Variants in EPHA3 observed in about 807,000 individuals in gnomAD.
EPHA3 encodes the protein ephrin type-A receptor 3.
In EPHA3, 42 loss-of-function variants were observed where a neutral mutation model predicts 107.1. That is an observed-to-expected ratio of 0.39 (90% CI 0.31 to 0.51). EPHA3 has a LOEUF of 0.51. Among genes scored for constraint, EPHA3 ranks in the 20% least tolerant of loss-of-function variants. The pLI, the probability that EPHA3 is intolerant of heterozygous loss-of-function variation, is 0.78. For synonymous variants in EPHA3, 461 were observed against 424.8 expected (o/e 1.09, Z -1.05); for missense variants, 1,183 against 1,211.2 (o/e 0.98, Z 0.35).
At chr3:89,234,007 A>C (rs1397481495) in intron 3 of EPHA3, among the ~76,000 whole-genome samples, 1 of 152,216 alleles carries the variant, frequency 6.6e-6, no homozygotes, top group Non-Finnish European at 1.5e-5. Flanking sequence ...GAATGATTGA[A>C]GAAAAACAGC....
intron 3 of EPHA3, among the ~76,000 whole-genome samples, chr3:89,263,794 T>G (rs757617125): frequency 7.9e-5 from 12 of 152,086 alleles, no homozygotes; most frequent in Non-Finnish European, 1.5e-4. Context: ...GAAGTTCTAA[T>G]TTTGGGCCGT....
intron 2 of EPHA3, among the ~76,000 whole-genome samples, chr3:89,134,334 A>C (rs1383835471): frequency 6.6e-6 from 1 of 151,958 alleles, no homozygotes; most frequent in Non-Finnish European, 1.5e-5. Context: ...CGTCATTTAC[A>C]TTAGGTATAT....
At chr3:89,250,475 T>C (rs1321419946) in intron 3 of EPHA3, among the ~76,000 whole-genome samples, 1 of 152,216 alleles carries the variant, frequency 6.6e-6, no homozygotes, top group Non-Finnish European at 1.5e-5. Flanking sequence ...AAAATTAATC[T>C]TCCTAATTTG....
chr3:89,155,849 A>G (rs148158726), intron 2 of EPHA3, among the ~76,000 whole-genome samples: 13 of 152,186 alleles, frequency 8.5e-5, no homozygotes, highest in African/African-American at 3.1e-4. Flanking sequence ...TTCATGCTTT[A>G]TACAGTATGT....
At chr3:89,460,634 GT>G (rs1710208712) in intron 15 of EPHA3, among the ~76,000 whole-genome samples, 1 of 148,552 alleles carries the variant, frequency 6.7e-6, no homozygotes, top group South Asian at 2.1e-4. Flanking sequence ...AATAACTGCT[GT>G]TTTGACAAAT....
At chr3:89,265,371 G>A (rs370185839) in intron 3 of EPHA3, among the ~76,000 whole-genome samples, 5 of 152,052 alleles carry the variant, frequency 3.3e-5, no homozygotes, top group South Asian at 2.1e-4. Flanking sequence ...CATGAAGTTC[G>A]TTAGGTGATA....
intron 2 of EPHA3, among the ~76,000 whole-genome samples, chr3:89,209,155 ATATC>A (rs772537370): frequency 1.3e-5 from 2 of 152,146 alleles, no homozygotes; most frequent in African/African-American, 2.4e-5. Flanking sequence ...AAAACCCCAA[ATATC>A]TATCTATTTC....
intron 4 of EPHA3, among the ~76,000 whole-genome samples, chr3:89,341,293 C>G (rs1330621126): frequency 6.6e-6 from 1 of 152,110 alleles, no homozygotes; most frequent in East Asian, 1.9e-4. Flanking sequence ...CAACACAACC[C>G]CCTGAAAGAG....
intron 3 of EPHA3, among the ~76,000 whole-genome samples, chr3:89,267,425 G>A (rs751089921): frequency 6.6e-6 from 1 of 152,038 alleles, no homozygotes; most frequent in Non-Finnish European, 1.5e-5. Flanking sequence ...AGGAAGACAG[G>A]GAGAAACTTG....
At chr3:89,365,301 G>A (rs1342979022) in intron 5 of EPHA3, among the ~76,000 whole-genome samples, 1 of 150,730 alleles carries the variant, frequency 6.6e-6, no homozygotes, top group Non-Finnish European at 1.5e-5. Flanking sequence ...CTGAGGCAGA[G>A]TAGAGGGGAA....
intron 3 of EPHA3, among the ~76,000 whole-genome samples, chr3:89,220,162 G>C (rs1266256348): frequency 6.6e-6 from 1 of 152,124 alleles, no homozygotes; most frequent in Admixed American, 6.5e-5. Flanking sequence ...GTAGTGGAAG[G>C]GTTGAGAAAC....
At position 89,479,425 on chromosome 3, in the gene EPHA3, G is replaced by T. The variant is rs1336569315; in HGVS notation, c.2875G>T (p.Val959Phe). Residue 959 changes from valine (V) to phenylalanine (F), a missense_variant, in exon 17 of 17, where the codon GTT becomes TTT. Physicochemically the swap from Val to Phe is conservative, Grantham distance 50. Transcript: ENST00000336596. ...DDMKKVGVTV[V>F]GPQKKIISSI... ...CATGAAAAAGGTTGGTGTCACCGTG[G>T]TTGGGCCACAGAAGAAGATCATCAG... 4.3e-6 allele frequency: 7 copies of T among 1,614,020 alleles called. No homozygotes were observed. The highest frequency in any genetic ancestry group is 5.1e-6 in the Non-Finnish European group (6 of 1,180,004).
intron 2 of EPHA3, among the ~76,000 whole-genome samples, chr3:89,172,031 C>CCCCA (rs1433490568): frequency 2.0e-5 from 3 of 152,020 alleles, no homozygotes; most frequent in Non-Finnish European, 4.4e-5. Context: ...AACCAACCGC[C>CCCCA]CCTTCTTCTC....
chr3:89,397,105 G>T (rs1015819778), intron 6 of EPHA3, among the ~76,000 whole-genome samples: 3 of 152,048 alleles, frequency 2.0e-5, no homozygotes, highest in African/African-American at 4.8e-5. Context: ...ACATTGTTTT[G>T]CATTATGTAG....
At chr3:89,284,725 A>G (rs1706035857) in intron 3 of EPHA3, among the ~76,000 whole-genome samples, 1 of 152,140 alleles carries the variant, frequency 6.6e-6, no homozygotes, top group Non-Finnish European at 1.5e-5. Flanking sequence ...AAAGGCCCCA[A>G]ATGAATTGTC....
intron 5 of EPHA3, among the ~76,000 whole-genome samples, chr3:89,386,934 T>C (rs1055891013): frequency 8.5e-5 from 13 of 152,110 alleles, no homozygotes; most frequent in African/African-American, 3.1e-4. Context: ...TTTGGCCAAC[T>C]TATTTCATTT....
At chr3:89,202,450 A>T (rs1235645627) in intron 2 of EPHA3, among the ~76,000 whole-genome samples, 1 of 148,918 alleles carries the variant, frequency 6.7e-6, no homozygotes, top group East Asian at 2.0e-4. Context: ...CAGGACGTGG[A>T]GGTTGCAGAG....
At chr3:89,213,602 T>C (rs1704157418) in intron 3 of EPHA3, among the ~76,000 whole-genome samples, 1 of 152,024 alleles carries the variant, frequency 6.6e-6, no homozygotes, top group South Asian at 2.1e-4. Context: ...ATAACAAATA[T>C]TTTTACGGTA....
At chr3:89,215,823 T>C (rs1396715491) in intron 3 of EPHA3, among the ~76,000 whole-genome samples, 1 of 151,806 alleles carries the variant, frequency 6.6e-6, no homozygotes, top group African/African-American at 2.4e-5. Context: ...AGGGAAAAAA[T>C]CTTAAAACAC....
Sources: allele counts gnomAD v4.1 joint callset (sites outside exome capture counted in the v4.1 genomes callset), GRCh38; gene constraint gnomAD v4.1.1; transcripts MANE v1.5; gene names NCBI Gene and HGNC (gene_info 2026-07-23, HGNC 2026-07-21).